The following EXOC6 variants were observed in gnomAD, a reference collection of about 807,000 sequenced individuals.
EXOC6 encodes exocyst complex component 6.
EXOC6 carries 60 observed loss-of-function variants against 112.5 expected under a neutral mutation model. That is an observed-to-expected ratio of 0.53 (90% CI 0.43 to 0.66). EXOC6 has a LOEUF of 0.66. Ranked by LOEUF, EXOC6 falls within the 30% of genes least tolerant of loss-of-function variation. The pLI, the probability that EXOC6 is intolerant of heterozygous loss-of-function variation, is 0.00. For synonymous variants in EXOC6, 295 were observed against 308.0 expected (o/e 0.96, Z 0.44); for missense variants, 855 against 957.1 (o/e 0.89, Z 1.41).
At chr10:92,861,513 T>C (rs999426007) in intron 1 of EXOC6, among the ~76,000 whole-genome samples, 11 of 152,248 alleles carry the variant, frequency 7.2e-5, no homozygotes, top group Non-Finnish European at 1.2e-4. Context: ...ATGGAGCCCT[T>C]ATTCTCTCTG....
intron 1 of EXOC6, among the ~76,000 whole-genome samples, chr10:92,835,947 GA>G (rs1323106603): frequency 5.3e-5 from 8 of 152,188 alleles, no homozygotes; most frequent in Admixed American, 3.3e-4. Flanking sequence ...TGTAGCAATG[GA>G]AAACTCAACA....
intron 5 of EXOC6, among the ~76,000 whole-genome samples, chr10:92,904,905 T>C (rs1850360713): frequency 6.6e-6 from 1 of 152,128 alleles, no homozygotes; most frequent in Admixed American, 6.6e-5. Context: ...TTGTGTTATC[T>C]TCTAGAGTCT....
At chr10:92,907,263 G>T (rs1215258312) in intron 5 of EXOC6, among the ~76,000 whole-genome samples, 1 of 152,188 alleles carries the variant, frequency 6.6e-6, no homozygotes, top group Non-Finnish European at 1.5e-5. Flanking sequence ...TACCTTTAGG[G>T]AGGTTGTATA....
intron 13 of EXOC6, among the ~76,000 whole-genome samples, chr10:92,947,329 A>G (rs1853084868): frequency 1.3e-5 from 2 of 152,190 alleles, no homozygotes; most frequent in South Asian, 2.1e-4. Flanking sequence ...ATTGGCTCAT[A>G]AAGGCTTTAA....
intron 21 of EXOC6, 95 bp downstream of exon 21, chr10:93,057,131 G>A (rs1024977729): frequency 2.0e-5 from 13 of 656,502 alleles, no homozygotes; most frequent in Non-Finnish European, 3.0e-5. Flanking sequence ...AAAAAGAAAA[G>A]TCTAGATGGA....
chr10:93,004,994 TATTA>T (rs1294530195), intron 19 of EXOC6, among the ~76,000 whole-genome samples: 1 of 152,244 alleles, frequency 6.6e-6, no homozygotes, highest in East Asian at 1.9e-4. Flanking sequence ...TGAAGTCATA[TATTA>T]ATTATGTCTT....
intron 5 of EXOC6, among the ~76,000 whole-genome samples, chr10:92,906,505 T>A (rs567093942): frequency 3.9e-5 from 6 of 152,164 alleles, no homozygotes; most frequent in South Asian, 4.1e-4. Context: ...ATGTTCTCCA[T>A]TTAGTGATGA....
chr10:92,967,229 T>TG (rs1748619122), intron 17 of EXOC6, among the ~76,000 whole-genome samples: 7 of 151,960 alleles, frequency 4.6e-5, no homozygotes, highest in African/African-American at 1.5e-4. Context: ...TTTTCTCCCA[T>TG]TTGTAGGTTG....
At chr10:92,861,361 A>G (rs1589717819) in intron 1 of EXOC6, among the ~76,000 whole-genome samples, 1 of 152,114 alleles carries the variant, frequency 6.6e-6, no homozygotes, top group South Asian at 2.1e-4. Context: ...TGCCTCTCTC[A>G]GTGTGGAGCC....
intron 17 of EXOC6, among the ~76,000 whole-genome samples, chr10:92,956,737 A>C (rs1250368626): frequency 6.6e-6 from 1 of 152,126 alleles, no homozygotes; most frequent in Non-Finnish European, 1.5e-5. Flanking sequence ...AAGCCTAAAA[A>C]AGCAGGCATT....
intron 5 of EXOC6, 197 bp downstream of exon 5, chr10:92,899,841 A>G (rs1850058684): frequency 4.3e-6 from 2 of 462,550 alleles, no homozygotes. Flanking sequence ...ATTGTCCTTT[A>G]TAAATGATAT....
At chr10:93,008,032 G>T (rs112337028) in intron 19 of EXOC6, among the ~76,000 whole-genome samples, 1 of 152,058 alleles carries the variant, frequency 6.6e-6, no homozygotes, top group Non-Finnish European at 1.5e-5. Flanking sequence ...AATTAGCAGG[G>T]CCTGGTGGTG....
intron 1 of EXOC6, among the ~76,000 whole-genome samples, chr10:92,838,246 G>C (rs1293495919): frequency 1.3e-5 from 2 of 152,172 alleles, no homozygotes; most frequent in Admixed American, 1.3e-4. Context: ...AGTGGGTTGT[G>C]GCGACCAAGA....
At chr10:92,926,167 A>G (rs1564836302) in intron 8 of EXOC6, among the ~76,000 whole-genome samples, 1 of 152,024 alleles carries the variant, frequency 6.6e-6, no homozygotes, top group African/African-American at 2.4e-5. Context: ...TTTATTTCCA[A>G]TAAAAATGTA....
intron 18 of EXOC6, among the ~76,000 whole-genome samples, chr10:92,993,379 C>A (rs1214874152): frequency 5.3e-5 from 8 of 152,070 alleles, no homozygotes; most frequent in Admixed American, 5.2e-4. Flanking sequence ...AATGTGATTT[C>A]AAGAGCACAT....
At chr10:92,975,185 C>T (rs1383875823) in intron 18 of EXOC6, among the ~76,000 whole-genome samples, 5 of 151,078 alleles carry the variant, frequency 3.3e-5, no homozygotes, top group Admixed American at 1.3e-4. Context: ...GGCCGCCCAT[C>T]GTCTGAGATG....
At chr10:92,940,875 T>C (rs1346625454) in intron 13 of EXOC6, 51 bp downstream of exon 13, 2 of 1,150,664 alleles carry the variant, frequency 1.7e-6, no homozygotes, top group East Asian at 2.4e-5. Context: ...TGTCAAATGC[T>C]CAAGTGGTTC....
chr10:92,847,835 CTTTTTT>C (rs3078184), upstream of EXOC6, among the ~76,000 whole-genome samples: 8 of 93,680 alleles, frequency 8.5e-5, no homozygotes, highest in East Asian at 1.2e-3. Flanking sequence ...CGCCCTGGGC[CTTTTTT>C]TTTTTTTTTT....
chr10:92,985,826 A>G (rs1842980573), intron 18 of EXOC6, among the ~76,000 whole-genome samples: 1 of 152,172 alleles, frequency 6.6e-6, no homozygotes, highest in Non-Finnish European at 1.5e-5. Flanking sequence ...GTAGTAGTCA[A>G]CAGTACAATC....
Sources: gnomAD v4.1 joint callset for allele counts (sites outside exome capture counted in the v4.1 genomes callset) on GRCh38, gnomAD v4.1.1 for gene constraint, MANE v1.5 for transcripts, NCBI Gene and HGNC (gene_info 2026-07-23, HGNC 2026-07-21) for gene names.